Variants in ZNF469 observed in about 807,000 individuals in gnomAD.
The protein encoded by ZNF469 is zinc finger protein 469.
In ZNF469, 1 loss-of-function variant was observed where a neutral mutation model predicts 1.0. The observed-to-expected ratio is 1.00, with a 90% CI of 0.35 to 4.73. The LOEUF (loss-of-function observed/expected upper bound fraction) is 4.73. Among genes scored for constraint, ZNF469 ranks in the 30% most tolerant of loss-of-function variants. The pLI, the probability that ZNF469 is intolerant of heterozygous loss-of-function variation, is 0.16. For missense variants in ZNF469, 6,100 were observed against 5,356.3 expected, an observed-to-expected ratio of 1.14 and a Z score of -4.33; for synonymous variants, 2,703 against 2,363.4, an observed-to-expected ratio of 1.14 and a Z score of -4.17.
At chr16:88,291,102 A>C in the ZNF469 span, among the ~76,000 whole-genome samples, 1 of 152,094 alleles carries the variant, frequency 6.6e-6, no homozygotes, top group African/African-American at 2.4e-5. Context: ...ACACACCTGG[A>C]GCCAAGCAGG....
chr16:88,155,047 T>C, the ZNF469 span, among the ~76,000 whole-genome samples: 1 of 152,350 alleles, frequency 6.6e-6, no homozygotes, highest in East Asian at 1.9e-4. Flanking sequence ...GGGCTGGAGA[T>C]TCTGCATCAC....
chr16:88,355,699 G>C, the ZNF469 span, among the ~76,000 whole-genome samples: 1 of 152,188 alleles, frequency 6.6e-6, no homozygotes, highest in Admixed American at 6.5e-5. Context: ...TATCATCCAG[G>C]GGCTGGGAGT....
the ZNF469 span, among the ~76,000 whole-genome samples, chr16:88,163,666 A>G: frequency 0.18 from 26,098 of 141,832 alleles, 2,845 homozygotes; most frequent in East Asian, 0.53. Context: ...AGTTGGGTAG[A>G]TGGGTGGGCA....
intron 1 of ZNF469, among the ~76,000 whole-genome samples, chr16:88,408,697 G>A (rs1030007544): frequency 6.6e-6 from 1 of 152,122 alleles, no homozygotes; most frequent in Admixed American, 6.5e-5. Context: ...GCTTACTGCC[G>A]GGGCCACATG....
At chr16:88,273,388 A>G in the ZNF469 span, among the ~76,000 whole-genome samples, 2 of 151,936 alleles carry the variant, frequency 1.3e-5, no homozygotes, top group African/African-American at 2.4e-5. Context: ...CGTGCACATG[A>G]AAAGACGCAC....
chr16:88,384,768 A>C (rs1396920318), intron 1 of ZNF469, among the ~76,000 whole-genome samples: 2 of 152,180 alleles, frequency 1.3e-5, no homozygotes, highest in Non-Finnish European at 2.9e-5. Flanking sequence ...CAAACCAGGA[A>C]GTCCCAGGAT....
the ZNF469 span, among the ~76,000 whole-genome samples, chr16:88,207,855 C>T: frequency 2.6e-5 from 4 of 151,890 alleles, no homozygotes; most frequent in Non-Finnish European, 5.9e-5. Context: ...ATCACCTCCA[C>T]ATCTCGATCC....
At chr16:88,251,439 C>T in the ZNF469 span, among the ~76,000 whole-genome samples, 1 of 148,036 alleles carries the variant, frequency 6.8e-6, no homozygotes, top group Non-Finnish European at 1.5e-5. Flanking sequence ...TTGTGTTCTT[C>T]TGAAGATTGT....
At chr16:88,192,439 C>T in the ZNF469 span, among the ~76,000 whole-genome samples, 1 of 152,192 alleles carries the variant, frequency 6.6e-6, no homozygotes, top group African/African-American at 2.4e-5. Context: ...AGGAAGATGA[C>T]ATGCGGTAAT....
At chr16:88,322,810 C>T in the ZNF469 span, among the ~76,000 whole-genome samples, 1 of 152,166 alleles carries the variant, frequency 6.6e-6, no homozygotes, top group Non-Finnish European at 1.5e-5. Flanking sequence ...GGGGAACCAT[C>T]GAATGGACTT....
chr16:88,199,680 C>A, the ZNF469 span, among the ~76,000 whole-genome samples: 1 of 152,218 alleles, frequency 6.6e-6, no homozygotes, highest in Non-Finnish European at 1.5e-5. Flanking sequence ...GCTGTGGGGA[C>A]TGGGGAGGGG....
the ZNF469 span, among the ~76,000 whole-genome samples, chr16:88,303,377 C>A: frequency 6.6e-6 from 1 of 152,222 alleles, no homozygotes; most frequent in African/African-American, 2.4e-5. Context: ...CCCTCGCCAG[C>A]GCTGTTCTTT....
the ZNF469 span, among the ~76,000 whole-genome samples, chr16:88,299,905 T>A: frequency 6.6e-6 from 1 of 152,192 alleles, no homozygotes; most frequent in African/African-American, 2.4e-5. Flanking sequence ...ATGGCAGCAT[T>A]GCAGGGCGCT....
rs1905618004 is a variant in ZNF469 at position 88,424,536 on chromosome 16, CAA to C, written c.-191-267_-191-266del. 6.6e-6 allele frequency among the ~76,000 whole-genome samples: 1 copy of C among 152,138 alleles called. No individual in the cohort carries two copies. The highest frequency in any genetic ancestry group is 2.1e-4 in the South Asian group (1 of 4,828). On this transcript the variant is annotated intron_variant, in intron 1 of 2. Transcript: ENST00000565624. This position sits in a 1 kb window ranked among gnomAD's most constrained non-coding sequence, Gnocchi z 4.3. ...AATCTATGCGTACATAAAGACCCAACAAAAAGAGATTTAAGATAGCCGTCAAA... is the reference window on the plus strand; with the variant it reads ...AATCTATGCGTACATAAAGACCCAACAAAGAGATTTAAGATAGCCGTCAAA...
the ZNF469 span, among the ~76,000 whole-genome samples, chr16:88,342,354 G>T: frequency 6.6e-6 from 1 of 152,058 alleles, no homozygotes; most frequent in African/African-American, 2.4e-5. Context: ...ATCTCATGGG[G>T]GAGGCCAAAT....
chr16:88,431,060 T>A lies in ZNF469; in HGVS notation c.3590T>A (p.Val1197Glu), dbSNP rs1161919849. Reference sequence around the variant, plus strand: ...CCCAAGTGTGCTGATCGCCCCTCAGTGGCCCCCAAGGATCCCCTGCAGGTC... The same window carrying A: ...CCCAAGTGTGCTGATCGCCCCTCAGAGGCCCCCAAGGATCCCCTGCAGGTC... ...GGPKCADRPS[V>E]APKDPLQVPT... The change falls in exon 3 of 3, where the codon GTG (valine) becomes GAG (glutamate). Residue 1197 changes from valine (V) to glutamate (E), a missense_variant. By Grantham distance (121) the Val-to-Glu change is moderately radical. Transcript: ENST00000565624. 1 of 1,548,938 alleles carries A rather than the reference T, an allele frequency of 6.5e-7. No individual in the cohort carries two copies. Among genetic ancestry groups the A allele is most frequent in the Non-Finnish European group, 8.7e-7 (1 of 1,146,762 alleles).
the ZNF469 span, among the ~76,000 whole-genome samples, chr16:88,375,602 C>T: frequency 7.9e-5 from 12 of 152,256 alleles, no homozygotes; most frequent in African/African-American, 2.9e-4. Context: ...ATCCTTCCCA[C>T]GTTTCCTTCC....
At chr16:88,143,506 T>A in the ZNF469 span, among the ~76,000 whole-genome samples, 1 of 151,712 alleles carries the variant, frequency 6.6e-6, no homozygotes, top group Admixed American at 6.6e-5. Flanking sequence ...GAACTGGAAG[T>A]GGGGATCACC....
chr16:88,173,482 T>C, the ZNF469 span, among the ~76,000 whole-genome samples: 1 of 152,196 alleles, frequency 6.6e-6, no homozygotes, highest in East Asian at 1.9e-4. Flanking sequence ...GTTAAAGGCT[T>C]CCTTCAACAT....
Sources: gnomAD v4.1 joint callset for allele counts (sites outside exome capture counted in the v4.1 genomes callset) on GRCh38, gnomAD v4.1.1 for gene constraint, Gnocchi (gnomAD v3.1) non-coding constraint, MANE v1.5 for transcripts, NCBI Gene and HGNC (gene_info 2026-07-23, HGNC 2026-07-21) for gene names.